The following FTCDNL1 variants were observed in gnomAD, a reference collection of about 807,000 sequenced individuals.
FTCDNL1 encodes the protein formiminotransferase N-terminal subdomain-containing protein.
FTCDNL1 carries 11 observed loss-of-function variants against 5.9 expected under a neutral mutation model. The ratio of observed to expected loss-of-function variants is 1.87; its 90% confidence interval spans 1.18 to 3.10. The LOEUF (loss-of-function observed/expected upper bound fraction) is 3.10, where lower values mean the gene tolerates loss of function less well. Ranked by LOEUF, FTCDNL1 falls within the 30% of genes most tolerant of loss-of-function variation. The probability of loss-of-function intolerance (pLI) is 0.00; values close to 1 mark genes in which losing one functional copy is unlikely to be tolerated. For synonymous variants in FTCDNL1, 58 were observed against 24.8 expected, an observed-to-expected ratio of 2.34 and a Z score of -3.99; for missense variants, 115 against 65.5, an observed-to-expected ratio of 1.76 and a Z score of -2.61.
downstream of FTCDNL1, among the ~76,000 whole-genome samples, chr2:199,807,803 T>C (rs1429409481): frequency 6.6e-6 from 1 of 152,192 alleles, no homozygotes; most frequent in Non-Finnish European, 1.5e-5. Flanking sequence ...AAATAGGTCA[T>C]ACATATTTGT....
intron 3 of FTCDNL1, among the ~76,000 whole-genome samples, chr2:199,839,578 A>G (rs1355454252): frequency 6.6e-6 from 1 of 152,230 alleles, no homozygotes; most frequent in Non-Finnish European, 1.5e-5. Context: ...GTTTCAAAGA[A>G]TAAAAGGACT....
At chr2:199,784,796 T>C (rs919573482) in intron 3 of FTCDNL1, among the ~76,000 whole-genome samples, 1 of 152,134 alleles carries the variant, frequency 6.6e-6, no homozygotes, top group African/African-American at 2.4e-5. Flanking sequence ...GAGAAACTCA[T>C]CTGTGAGTTA....
intron 3 of FTCDNL1, among the ~76,000 whole-genome samples, chr2:199,774,685 T>C (rs900824775): frequency 1.3e-5 from 2 of 152,144 alleles, no homozygotes; most frequent in Non-Finnish European, 2.9e-5. Context: ...CTTGACATGA[T>C]AGACTTTCTG....
chr2:199,818,510 A>G (rs1701489201), intron 4 of FTCDNL1: 1 of 152,160 alleles, frequency 6.6e-6, no homozygotes, highest in Non-Finnish European at 1.5e-5. Context: ...TAGATACGGG[A>G]ACCAAAGCAT....
At chr2:199,798,971 G>C (rs1700308882) in intron 3 of FTCDNL1, among the ~76,000 whole-genome samples, 1 of 152,194 alleles carries the variant, frequency 6.6e-6, no homozygotes, top group Non-Finnish European at 1.5e-5. Flanking sequence ...GAATGGGAGG[G>C]GGGTGAGTCT....
At chr2:199,667,340 T>C in the FTCDNL1 span, among the ~76,000 whole-genome samples, 2 of 152,014 alleles carry the variant, frequency 1.3e-5, no homozygotes, top group African/African-American at 4.8e-5. Flanking sequence ...AAATATACCT[T>C]AGAGTTGGAT....
At chr2:199,688,048 A>T in the FTCDNL1 span, among the ~76,000 whole-genome samples, 1 of 152,002 alleles carries the variant, frequency 6.6e-6, no homozygotes, top group Non-Finnish European at 1.5e-5. Flanking sequence ...GAAGTTTGAG[A>T]CCAGCCTGGG....
At chr2:199,706,027 A>G in the FTCDNL1 span, among the ~76,000 whole-genome samples, 4 of 152,288 alleles carry the variant, frequency 2.6e-5, no homozygotes, top group Middle Eastern at 6.8e-3. Flanking sequence ...CAGTTATAAC[A>G]GGGGAAAGTG....
the FTCDNL1 span, among the ~76,000 whole-genome samples, chr2:199,736,466 T>G: frequency 2.0e-5 from 3 of 152,206 alleles, no homozygotes; most frequent in African/African-American, 7.2e-5. Context: ...AACCTTGACT[T>G]TCTAGATAGA....
At position 199,810,730 on chromosome 2, in the gene FTCDNL1, G is replaced by A. The variant is rs1700987995; in HGVS notation, c.*1975C>T. Among the ~76,000 whole-genome samples, 1 of 152,162 alleles carries A rather than the reference G, an allele frequency of 6.6e-6. No individual in the cohort carries two copies. The highest frequency in any genetic ancestry group is 6.5e-5 in the Admixed American group (1 of 15,276). ...CATTTGCAGTTTCCTCATTTTTGGG[G>A]AACCTTACATTTCTAAAAGCAAAGT... is the stretch of plus-strand genomic sequence containing the variant. On this transcript the variant is annotated 3_prime_UTR_variant, in exon 5 of 5. Transcript: ENST00000420128.
At chr2:199,730,233 A>T in the FTCDNL1 span, among the ~76,000 whole-genome samples, 1 of 152,224 alleles carries the variant, frequency 6.6e-6, no homozygotes, top group African/African-American at 2.4e-5. Flanking sequence ...TGTAAAACAC[A>T]AAACCATAAA....
At position 199,841,586 on chromosome 2, in the gene FTCDNL1, C is replaced by T. The variant is rs558227282; in HGVS notation, c.211+4489G>A. ...ATTATACCTATGTAAACATTGTTCA[C>T]GATGAATCATTTAGAACATTATTAT... On this transcript the variant is annotated intron_variant, in intron 3 of 4. Coordinates refer to ENST00000420128, the MANE Select transcript of FTCDNL1 (RefSeq NM_001363886.2). 9.5e-4 allele frequency among the ~76,000 whole-genome samples: 144 copies of T among 152,096 alleles called. 1 individual carries two copies. Among genetic ancestry groups the T allele is most frequent in the African/African-American group, 3.1e-3 (127 of 41,494 alleles).
the FTCDNL1 span, among the ~76,000 whole-genome samples, chr2:199,669,427 C>G: frequency 1.8e-4 from 28 of 152,126 alleles, no homozygotes; most frequent in African/African-American, 6.8e-4. Flanking sequence ...TCTTCTAGGA[C>G]CCTCCCGCCT....
At chr2:199,711,371 C>CG in the FTCDNL1 span, among the ~76,000 whole-genome samples, 342 of 65,050 alleles carry the variant, frequency 5.3e-3, 2 homozygotes, top group African/African-American at 0.02. Context: ...TGTGAGGGGG[C>CG]GGGGGGGGGA....
At position 199,814,911 on chromosome 2, in the gene FTCDNL1, G is replaced by A. The variant is rs374569669; in HGVS notation, c.398-2187C>T. Among the ~76,000 whole-genome samples, 25 of 152,288 alleles carry A rather than the reference G, an allele frequency of 1.6e-4. No homozygotes were observed. In the South Asian group the frequency reaches 1.9e-3, roughly 11 times the overall value. ...ATAGTAGAAAGAAGTAAGCAGGAAA[G>A]TGCTCAGTAACCCATTTAAATAACT... On this transcript the variant is annotated intron_variant, in intron 4 of 4. Transcript: ENST00000420128.
chr2:199,814,301 GAA>G (rs1285529865), intron 4 of FTCDNL1, among the ~76,000 whole-genome samples: 1 of 152,168 alleles, frequency 6.6e-6, no homozygotes, highest in Non-Finnish European at 1.5e-5. Flanking sequence ...CCGTGTGGCT[GAA>G]TCCACAGAAA....
chr2:199,835,652 A>G (rs1208080952), intron 3 of FTCDNL1, among the ~76,000 whole-genome samples: 1 of 152,214 alleles, frequency 6.6e-6, no homozygotes, highest in Non-Finnish European at 1.5e-5. Flanking sequence ...GGAAGCCACT[A>G]TAAAAGCTAG....
chr2:199,735,658 G>T, the FTCDNL1 span, among the ~76,000 whole-genome samples: 1 of 152,056 alleles, frequency 6.6e-6, no homozygotes, highest in Non-Finnish European at 1.5e-5. Context: ...AAGTAGAAGA[G>T]TTCTTCCTCG....
At chr2:199,724,112 G>C in the FTCDNL1 span, among the ~76,000 whole-genome samples, 1 of 152,064 alleles carries the variant, frequency 6.6e-6, no homozygotes, top group African/African-American at 2.4e-5. Flanking sequence ...TTCAGTCTTG[G>C]GAGGGCGTAT....
Sources: gnomAD v4.1 joint callset for allele counts (sites outside exome capture counted in the v4.1 genomes callset) on GRCh38, gnomAD v4.1.1 for gene constraint, MANE v1.5 for transcripts, NCBI Gene and HGNC (gene_info 2026-07-23, HGNC 2026-07-21) for gene names.